SH3GL1: variants seen among roughly 807,000 people sequenced by gnomAD.
SH3GL1 encodes the protein SH3 domain containing GRB2 like 1, endophilin A2.
Under a neutral mutation model 48.8 loss-of-function variants are expected in SH3GL1, and 21 were observed. The ratio of observed to expected loss-of-function variants is 0.43; its 90% CI spans 0.30 to 0.62. The LOEUF (loss-of-function observed/expected upper bound fraction) is 0.62. Among genes scored for constraint, SH3GL1 ranks in the 20% least tolerant of loss-of-function variants. The pLI, the probability that SH3GL1 is intolerant of heterozygous loss-of-function variation, is 0.11. For synonymous variants in SH3GL1, 282 were observed against 217.5 expected, an observed-to-expected ratio of 1.30 and a Z score of -2.61; for missense variants, 454 against 503.0, an observed-to-expected ratio of 0.90 and a Z score of 0.93.
rs1972695940 is a variant in SH3GL1 at position 4,363,826 on chromosome 19, T to C, written c.518A>G (p.Lys173Arg). 1 of 1,613,502 alleles carries C rather than the reference T, an allele frequency of 6.2e-7. No individual in the cohort carries two copies. Among genetic ancestry groups the C allele is most frequent in the Non-Finnish European group, 8.5e-7 (1 of 1,180,014 alleles). Reference sequence around the variant, plus strand: ...CTCATCGGGGATCTTGCCCTGCCGCTTCTTCTTGTAGTCAAAGTCCAGGCG... The same window carrying C: ...CTCATCGGGGATCTTGCCCTGCCGCCTCTTCTTGTAGTCAAAGTCCAGGCG... Reference protein sequence around the residue: ...GRRLDFDYKKKRQGKIPDEEL... With the variant: ...GRRLDFDYKKRRQGKIPDEEL... The change falls in exon 6 of 10, where the codon AAG (lysine) becomes AGG (arginine). Residue 173 changes from lysine to arginine, a missense_variant. Lys to Arg is a conservative substitution (Grantham distance 26). Coordinates refer to ENST00000269886, the MANE Select transcript of SH3GL1 (RefSeq NM_003025.4).
At chr19:4,378,204 G>A (rs952914809) in intron 1 of SH3GL1, among the ~76,000 whole-genome samples, 2 of 152,158 alleles carry the variant, frequency 1.3e-5, no homozygotes, top group African/African-American at 2.4e-5. Context: ...CCCTGCCCTC[G>A]GGAGCTCAGG....
chr19:4,363,328 A>G (rs1280173907), intron 7 of SH3GL1, 42 bp downstream of exon 7: 26 of 1,469,788 alleles, frequency 1.8e-5, no homozygotes, highest in Non-Finnish European at 2.2e-5. Flanking sequence ...CAGAGGGCGC[A>G]TGGCAGCCCA....
intron 1 of SH3GL1, among the ~76,000 whole-genome samples, chr19:4,369,897 G>A (rs572768434): frequency 6.6e-6 from 1 of 152,366 alleles, no homozygotes; most frequent in East Asian, 1.9e-4. Context: ...AACCAGCACA[G>A]ATGGACACAG....
At chr19:4,374,048 T>C (rs1972956609) in intron 1 of SH3GL1, among the ~76,000 whole-genome samples, 1 of 152,164 alleles carries the variant, frequency 6.6e-6, no homozygotes. Flanking sequence ...GAGCGATAAA[T>C]GCTTTGTTGT....
At chr19:4,371,433 C>T (rs769589552) in intron 1 of SH3GL1, among the ~76,000 whole-genome samples, 1 of 152,242 alleles carries the variant, frequency 6.6e-6, no homozygotes, top group Non-Finnish European at 1.5e-5. Flanking sequence ...TGCCGATGGG[C>T]GGCCTTGGGA....
intron 7 of SH3GL1, among the ~76,000 whole-genome samples, chr19:4,363,022 A>C (rs1453238348): frequency 6.6e-6 from 1 of 151,934 alleles, no homozygotes. Context: ...CTCCTCCCCC[A>C]ATTCCCCACC....
intron 1 of SH3GL1, among the ~76,000 whole-genome samples, chr19:4,384,643 A>G (rs879889879): frequency 3.9e-4 from 60 of 152,310 alleles, no homozygotes; most frequent in Middle Eastern, 3.4e-3. Flanking sequence ...GGGACCGCTC[A>G]CTGCCAGGCT....
At chr19:4,392,191 C>T (rs183093669) in intron 1 of SH3GL1, among the ~76,000 whole-genome samples, 95 of 152,306 alleles carry the variant, frequency 6.2e-4, no homozygotes, top group Non-Finnish European at 1.1e-3. Flanking sequence ...AGGGTATACA[C>T]TTTTATCTGT....
chr19:4,363,188 G>A lies in SH3GL1; in HGVS notation c.728+182C>T, dbSNP rs142497640. ...GGGCAGGGCTGGGTGTTGACTCAGA[G>A]TTCTCAGAGCCCCAGCTCCTCTGAC... is the stretch of plus-strand genomic sequence containing the variant. On this transcript the variant is annotated intron_variant, in intron 7 of 9. Transcript: ENST00000269886. Among the ~76,000 whole-genome samples, 914 of 152,294 alleles carry A rather than the reference G, an allele frequency of 6.0e-3. 10 individuals carry two copies. Among genetic ancestry groups the A allele is most frequent in the African/African-American group, 0.021 (879 of 41,564 alleles).
chr19:4,380,728 T>C (rs1285972387), intron 1 of SH3GL1, among the ~76,000 whole-genome samples: 2 of 152,184 alleles, frequency 1.3e-5, no homozygotes, highest in African/African-American at 4.8e-5. Context: ...GGCAATAGCA[T>C]GTTCTGTGTA....
At position 4,363,777 on chromosome 19, in the gene SH3GL1, C is replaced by A; in HGVS notation, c.567G>T (p.Lys189Asn). The change falls in exon 6 of 10, where the codon AAG becomes AAT. Residue 189 changes from lysine to asparagine, a missense_variant. Lys to Asn is a moderately conservative substitution (Grantham distance 94). Around this residue, in one of 2 missense-constraint regions of SH3GL1, gnomAD observed 176 missense variants for 256.2 expected, o/e 0.69. Coordinates refer to ENST00000269886, the MANE Select transcript of SH3GL1 (RefSeq NM_003025.4). ...PDEELRQALE[K>N]FEESKEVAET... is the part of the protein sequence containing the mutation. ...CTGCCACCTCCTTGGACTCCTCGAA[C>A]TTCTCCAGCGCCTGGCGTAGCTCCT... 1 of 1,613,890 alleles carries A rather than the reference C, an allele frequency of 6.2e-7. No homozygotes were observed. Among genetic ancestry groups the A allele is most frequent in the Non-Finnish European group, 8.5e-7 (1 of 1,180,036 alleles).
chr19:4,388,822 C>T (rs1973282864), intron 1 of SH3GL1, among the ~76,000 whole-genome samples: 1 of 152,216 alleles, frequency 6.6e-6, no homozygotes, highest in Admixed American at 6.5e-5. Flanking sequence ...CAGAGACTGC[C>T]TGTGACACAG....
In SH3GL1 at chr19:4,383,265, A is replaced by T. The variant is rs536409106; in HGVS notation, c.46-16271T>A. Among the ~76,000 whole-genome samples the T allele has an allele frequency of 5.7e-4, 86 of 150,894 alleles. 1 individual carries two copies. In the South Asian group the frequency reaches 0.018, roughly 31 times the overall value. ...GGTCTTGCTCTGTCACCCAGGCTAG[A>T]GTGCAGTGGCGTGATCATGGCTCAC... On this transcript the variant is annotated intron_variant, in intron 1 of 9. Coordinates refer to ENST00000269886, the MANE Select transcript of SH3GL1 (RefSeq NM_003025.4).
rs559881040 is a variant in SH3GL1 at position 4,376,732 on chromosome 19, C to T, written c.46-9738G>A. On this transcript the variant is annotated intron_variant, in intron 1 of 9. Transcript: ENST00000269886. This position sits in a 1 kb window ranked among gnomAD's most constrained non-coding sequence, Gnocchi z 4.3. ...ATGCTGGGTCTTAGCCACCAGGGCT[C>T]TGTCCATCCAAATGTCCCCATGGCT... is the stretch of plus-strand genomic sequence containing the variant. Among the ~76,000 whole-genome samples the T allele has an allele frequency of 3.3e-5, 5 of 152,286 alleles. No individual in the cohort carries two copies. The South Asian group carries it at 1.0e-3, about 32-fold the overall frequency.
At chr19:4,362,451 G>C (rs1972647127) in intron 8 of SH3GL1, 66 bp from the exon 9 acceptor site, 3 of 1,578,372 alleles carry the variant, frequency 1.9e-6, no homozygotes, top group Non-Finnish European at 2.6e-6. Flanking sequence ...TTCTGCAGAA[G>C]GCTGGGGCCA....
rs138338295 is a variant in SH3GL1, at chr19:4,382,116, C to T, written c.46-15122G>A. ...CCTTTTCCAGAATCCAGAGGCCACC[C>T]ACATCCATTGGCTCACGGCCCCCTC... On this transcript the variant is annotated intron_variant, in intron 1 of 9. Coordinates refer to ENST00000269886, the MANE Select transcript of SH3GL1 (RefSeq NM_003025.4). Among the ~76,000 whole-genome samples the T allele has an allele frequency of 7.9e-3, 1,208 of 152,260 alleles. 7 individuals carry two copies. The highest frequency in any genetic ancestry group is 0.013 in the Non-Finnish European group (876 of 68,014).
At chr19:4,390,572 T>A (rs544219912) in intron 1 of SH3GL1, 2 of 152,482 alleles carry the variant, frequency 1.3e-5, no homozygotes, top group East Asian at 3.9e-4. Context: ...GGAAACCCGC[T>A]GCAGCCCTGG....
rs533081973 is a variant in SH3GL1, at chr19:4,366,445, C to G, written c.187+56G>C. 1,083 of 1,421,716 alleles carry G rather than the reference C, an allele frequency of 7.6e-4. 3 individuals carry two copies. Among genetic ancestry groups the G allele is most frequent in the Non-Finnish European group, 9.6e-4 (976 of 1,018,940 alleles). The allele number at this position is 1,421,716 out of a possible 1,614,324, so 88.1% of individuals were successfully genotyped here. A position where few individuals can be genotyped will look rare whatever the true frequency, so the allele number is the denominator to read the frequency against. The stretch of plus-strand genomic sequence containing the variant: ...GGTTCTGTCATCCCCTGCCTTCCCT[C>G]TGACACAGAGGCCAGAGGGCCTGGG... On this transcript the variant is annotated intron_variant, in intron 3 of 9. Transcript: ENST00000269886.
rs374859248 is a variant in SH3GL1 at position 4,362,776 on chromosome 19, C to T, written c.729-40G>A. ...GCGTGAGTGGACCGAGCCCGTGTCA[C>T]GGCCGAGGCAGCCCCACTCTTGTAT... On this transcript the variant is annotated intron_variant, in intron 7 of 9. Transcript: ENST00000269886. 97 of 1,612,270 alleles carry T rather than the reference C, an allele frequency of 6.0e-5. 1 individual carries two copies. The highest frequency in any genetic ancestry group is 3.5e-4 in the South Asian group (32 of 91,096).
Sources: gnomAD v4.1 joint callset for allele counts (sites outside exome capture counted in the v4.1 genomes callset) on GRCh38, gnomAD v4.1.1 for gene constraint, gnomAD v4.1.1 regional missense constraint, Gnocchi (gnomAD v3.1) non-coding constraint, MANE v1.5 for transcripts, NCBI Gene and HGNC (gene_info 2026-07-23, HGNC 2026-07-21) for gene names.